TAF6: variants seen among roughly 807,000 people sequenced by gnomAD.
TAF6 encodes the protein TATA-box binding protein associated factor 6.
A neutral mutation model predicts 73.5 loss-of-function variants in TAF6; 50 were observed. The observed-to-expected ratio is 0.68, with a 90% confidence interval of 0.54 to 0.86. The LOEUF is 0.86. Among genes scored for constraint, TAF6 ranks in the 40% least tolerant of loss-of-function variants. The pLI is 0.00. For missense variants in TAF6, 768 were observed against 899.5 expected (o/e 0.85, Z 1.87); for synonymous variants, 424 against 376.7 (o/e 1.13, Z -1.45).
At chr7:100,124,461 G>T, upstream of TAF6, 1 of 1,403,120 alleles carries the variant, frequency 7.1e-7, no homozygotes, top group Admixed American at 1.7e-5. Flanking sequence ...AAGACAGGCG[G>T]GATCCCAAAT....
upstream of TAF6, chr7:100,121,111 T>TATATATATATAC (rs1562938270): frequency 3.5e-3 from 125 of 35,310 alleles, no homozygotes; most frequent in Non-Finnish European, 5.9e-3. Context: ...TATATATATA[T>TATATATATATAC]ATATATTTTT....
rs539177071 is a variant in TAF6 at position 100,112,217 on chromosome 7, G to A, written c.611C>T (p.Ala204Val). The A allele has an allele frequency of 4.8e-5, 77 of 1,614,138 alleles. No homozygotes were observed. The South Asian group carries it at 8.3e-4, about 17-fold the overall frequency. ...GCTCCGGGGCTTCAGTCGCAAGGGG[G>A]CCCCCTCCAGCAAGGGCGGCGCCTT... Reference protein sequence around the residue: ...EKKAPPLLEGAPLRLKPRSIH... With the variant: ...EKKAPPLLEGVPLRLKPRSIH... Residue 204 changes from alanine (A) to valine (V), a missense_variant, in exon 7 of 15, where the codon GCC becomes GTC. Transcript: ENST00000453269.
intron 9 of TAF6, 56 bp downstream of exon 9, chr7:100,111,672 G>A: frequency 2.6e-6 from 4 of 1,567,690 alleles, no homozygotes; most frequent in Non-Finnish European, 3.5e-6. Context: ...CTGACTTCCT[G>A]TTGGTGGCAG....
At chr7:100,108,344 C>T (rs529805031) in intron 13 of TAF6, 23 bp downstream of exon 13, 51 of 1,583,882 alleles carry the variant, frequency 3.2e-5, no homozygotes, top group South Asian at 2.8e-4. Flanking sequence ...CCTCCTATTC[C>T]TCCTCCCCAC....
rs746223233 is a variant in TAF6, at chr7:100,110,313, GA to G, written c.1084-40del. ...GAAATAAACTAAGATGAAGGGGTCT[GA>G]AAGGATGATTGACAGGGACCTAAGT... On this transcript the variant is annotated intron_variant, in intron 10 of 14. Transcript: ENST00000453269. 5 of 1,607,104 alleles carry G rather than the reference GA, an allele frequency of 3.1e-6. No homozygotes were observed. The South Asian group carries it at 5.5e-5, about 18-fold the overall frequency.
chr7:100,123,261 G>A (rs1798120079), upstream of TAF6, among the ~76,000 whole-genome samples: 2 of 151,858 alleles, frequency 1.3e-5, no homozygotes, highest in African/African-American at 4.8e-5. Context: ...AGAATTGCTT[G>A]AATCCAGGAG....
In TAF6 at chr7:100,107,662, C is replaced by T. The variant is rs752087836; in HGVS notation, c.1657-39G>A. 8.8e-6 allele frequency: 14 copies of T among 1,596,864 alleles called. 1 individual carries two copies. The East Asian group carries it at 3.1e-4, about 36-fold the overall frequency. ...AAAGGCAGGCCGCTTGCCCTGTGCC[C>T]TCCCTGCCCCCCAGAGGCCTGGCGA... On this transcript the variant is annotated intron_variant, in intron 14 of 14. Transcript: ENST00000453269.
rs762183337 is a variant in TAF6 at position 100,114,176 on chromosome 7, T to C, written c.34A>G (p.Thr12Ala). The C allele has an allele frequency of 3.1e-6, 5 of 1,614,228 alleles. No individual in the cohort carries two copies. Among genetic ancestry groups the C allele is most frequent in the Admixed American group, 3.3e-5 (2 of 60,026 alleles). ...TTCATGGACTCCGAGGGCAGCACAG[T>C]GTTGCTAAGCTTCAGCTTCTTCTCC... is the stretch of plus-strand genomic sequence containing the variant. ...AEEKKLKLSN[T>A]VLPSESMKVV... The change falls in exon 2 of 15, where the codon ACT (threonine) becomes GCT (alanine). Residue 12 changes from threonine to alanine, a missense_variant. Physicochemically the swap from Thr to Ala is moderately conservative, Grantham distance 58. Around this residue, in one of 5 missense-constraint regions of TAF6, gnomAD observed 269 missense variants for 268.0 expected, o/e 1.00. Transcript: ENST00000453269.
rs548934307 is a variant in TAF6 at position 100,108,204 on chromosome 7, G to A, written c.1459-81C>T. On this transcript the variant is annotated intron_variant, in intron 13 of 14. Coordinates refer to ENST00000453269, the MANE Select transcript of TAF6 (RefSeq NM_139315.3). ...GAAGGGAGAGGCCTGGGCTCCCCTC[G>A]CTCTTCCTCAGTGGCTCTCACTAGG... 6.4e-5 allele frequency: 95 copies of A among 1,474,238 alleles called. No homozygotes were observed. The East Asian group carries it at 1.8e-3, about 28-fold the overall frequency. The allele number at this position is 1,474,238 out of a possible 1,614,324, so 91.3% of individuals were successfully genotyped here. A position where few individuals can be genotyped will look rare whatever the true frequency, so the allele number is the denominator to read the frequency against.
chr7:100,119,684 A>AC, upstream of TAF6: 1 of 1,613,244 alleles, frequency 6.2e-7, no homozygotes, highest in Non-Finnish European at 8.5e-7. Flanking sequence ...AATTTAAGGG[A>AC]CCCACACTAC....
At chr7:100,119,139 CCTG>C (rs1216251873) in intron 1 of TAF6, 62 bp downstream of exon 1, 2 of 986,764 alleles carry the variant, frequency 2.0e-6, no homozygotes, top group African/African-American at 3.5e-5. Context: ...CACCCCATCT[CCTG>C]CAACATCTCT....
At chr7:100,116,193 G>C (rs1797656332) in intron 1 of TAF6, among the ~76,000 whole-genome samples, 1 of 152,078 alleles carries the variant, frequency 6.6e-6, no homozygotes, top group African/African-American at 2.4e-5. Context: ...CCTCATAATG[G>C]CTCTCCACTT....
intron 12 of TAF6, 72 bp downstream of exon 12, chr7:100,109,876 A>C: frequency 6.3e-7 from 1 of 1,584,296 alleles, no homozygotes; most frequent in African/African-American, 1.4e-5. Flanking sequence ...TAAGTGAATA[A>C]AATATGCCAT....
At chr7:100,123,283 C>T (rs939053244), upstream of TAF6, among the ~76,000 whole-genome samples, 3 of 151,460 alleles carry the variant, frequency 2.0e-5, no homozygotes, top group East Asian at 5.9e-4. Context: ...TGGAGGTTGC[C>T]ATGAGCCAAG....
At chr7:100,114,712 GAA>G (rs879733958) in intron 1 of TAF6, among the ~76,000 whole-genome samples, 3 of 131,928 alleles carry the variant, frequency 2.3e-5, no homozygotes, top group African/African-American at 2.8e-5. Flanking sequence ...TCCGTCTCAG[GAA>G]AAAAAAAAAA....
At chr7:100,114,494 C>G (rs1029258061) in intron 1 of TAF6, 5 of 607,454 alleles carry the variant, frequency 8.2e-6, no homozygotes, top group Non-Finnish European at 1.5e-5. Flanking sequence ...ACGAGGCGGG[C>G]GGATCACTTG....
rs1797943329 is a variant in TAF6 at position 100,119,332 on chromosome 7, G to A, written c.-188C>T. On this transcript the variant is annotated 5_prime_UTR_variant, in exon 1 of 15. Coordinates refer to ENST00000453269, the MANE Select transcript of TAF6 (RefSeq NM_139315.3). Reference sequence around the variant, plus strand: ...CGGCAGCCGAGACGCTGCTCACCCGGCGCTCGGCGCCATCTTGGCCCCGCC... The same window carrying A: ...CGGCAGCCGAGACGCTGCTCACCCGACGCTCGGCGCCATCTTGGCCCCGCC... 2.9e-6 allele frequency: 3 copies of A among 1,033,570 alleles called. No homozygotes were observed. Among genetic ancestry groups the A allele is most frequent in the South Asian group, 3.2e-5 (1 of 31,312 alleles). 64.0% of individuals were successfully genotyped at this position (1,033,570 alleles called of 1,614,324 possible). A position where few individuals can be genotyped will look rare whatever the true frequency, so the allele number is the denominator to read the frequency against.
intron 10 of TAF6, 132 bp from the exon 11 acceptor site, chr7:100,110,406 C>T (rs1797062043): frequency 2.0e-6 from 2 of 980,722 alleles, no homozygotes; most frequent in East Asian, 2.7e-5. Flanking sequence ...GTGGCTCACA[C>T]CTGTAATCCC....
intron 10 of TAF6, among the ~76,000 whole-genome samples, 199 bp downstream of exon 10, chr7:100,110,940 C>T (rs1247085184): frequency 1.3e-5 from 2 of 150,968 alleles, no homozygotes; most frequent in African/African-American, 4.9e-5. Context: ...AGAGATTGCA[C>T]CACTGCACTC....
Sources: gnomAD v4.1 joint callset for allele counts (sites outside exome capture counted in the v4.1 genomes callset) on GRCh38, gnomAD v4.1.1 for gene constraint, gnomAD v4.1.1 regional missense constraint, MANE v1.5 for transcripts, NCBI Gene and HGNC (gene_info 2026-07-23, HGNC 2026-07-21) for gene names.